The following CRHR2 variants were observed in gnomAD, a reference collection of about 807,000 sequenced individuals.
The protein encoded by CRHR2 is corticotropin releasing hormone receptor 2, also known as corticotropin-releasing hormone receptor 2.
CRHR2 carries 53 observed loss-of-function variants against 57.9 expected under a neutral mutation model. The observed-to-expected ratio is 0.92, with a 90% CI of 0.73 to 1.15. The LOEUF is 1.15. CRHR2 is among the 50% of genes most tolerant of loss of function. CRHR2 has a pLI of 0.00. For synonymous variants in CRHR2, 213 were observed against 220.9 expected (o/e 0.96, Z 0.32); for missense variants, 532 against 542.6 (o/e 0.98, Z 0.19).
intron 3 of CRHR2, among the ~76,000 whole-genome samples, chr7:30,666,139 G>C (rs538756004): frequency 6.6e-6 from 1 of 152,282 alleles, no homozygotes; most frequent in African/African-American, 2.4e-5. Context: ...ATCCCAGCTG[G>C]CTGAGTGACT....
intron 7 of CRHR2, among the ~76,000 whole-genome samples, chr7:30,661,597 G>T (rs527778283): frequency 6.6e-6 from 1 of 152,272 alleles, no homozygotes; most frequent in Non-Finnish European, 1.5e-5. Flanking sequence ...GGTCCCCGCT[G>T]CTCTCAGCTG....
chr7:30,669,043 A>T (rs1206162304), intron 2 of CRHR2, among the ~76,000 whole-genome samples: 1 of 152,222 alleles, frequency 6.6e-6, no homozygotes, highest in Non-Finnish European at 1.5e-5. Context: ...AAGCAAAAGT[A>T]TGTAAGGAGG....
chr7:30,691,149 C>T (rs1444967562), intron 1 of CRHR2, among the ~76,000 whole-genome samples: 1 of 152,200 alleles, frequency 6.6e-6, no homozygotes, highest in Non-Finnish European at 1.5e-5. Flanking sequence ...AATTCTCAGG[C>T]CATACTTTTG....
chr7:30,672,577 T>C (rs1402129040), intron 2 of CRHR2, among the ~76,000 whole-genome samples: 2 of 152,134 alleles, frequency 1.3e-5, no homozygotes, highest in African/African-American at 4.8e-5. Flanking sequence ...CCAAGATGCA[T>C]GGCAAATACA....
At chr7:30,677,813 T>C (rs1050263581) in intron 2 of CRHR2, among the ~76,000 whole-genome samples, 4 of 152,238 alleles carry the variant, frequency 2.6e-5, no homozygotes, top group African/African-American at 9.6e-5. Flanking sequence ...CTCACGCCTA[T>C]ACTCCCAGCA....
intron 2 of CRHR2, among the ~76,000 whole-genome samples, chr7:30,668,386 A>G (rs969153359): frequency 6.6e-6 from 1 of 151,990 alleles, no homozygotes; most frequent in Non-Finnish European, 1.5e-5. Context: ...GTGGGTTACA[A>G]ATGCTGAACG....
Position 30,677,824 on chromosome 7 carries a change from C to T in CRHR2, c.229+4091G>A, listed in dbSNP as rs577747677. Among the ~76,000 whole-genome samples, 10 of 152,360 alleles carry T rather than the reference C, an allele frequency of 6.6e-5. No individual in the cohort carries two copies. The East Asian group carries it at 1.2e-3, about 18-fold the overall frequency. On this transcript the variant is annotated intron_variant, in intron 2 of 11. Coordinates refer to ENST00000471646, the MANE Select transcript of CRHR2 (RefSeq NM_001883.5). ...GTGGCTCACGCCTATACTCCCAGCA[C>T]TTTGGGAGCCAGAGACAGGAGGATC...
intron 1 of CRHR2, among the ~76,000 whole-genome samples, chr7:30,696,814 G>T (rs1197176009): frequency 6.6e-6 from 1 of 152,204 alleles, no homozygotes; most frequent in Non-Finnish European, 1.5e-5. Context: ...TAGATAAAAT[G>T]GTTTAAATTA....
intron 2 of CRHR2, 127 bp from the exon 3 acceptor site, chr7:30,667,440 A>C (rs1330602711): frequency 1.5e-6 from 1 of 676,300 alleles, no homozygotes; most frequent in African/African-American, 1.8e-5. Flanking sequence ...TACAATGTGC[A>C]TCTGAAAGTT....
upstream of CRHR2, among the ~76,000 whole-genome samples, chr7:30,685,517 A>C (rs769419553): frequency 6.6e-6 from 1 of 152,194 alleles, no homozygotes; most frequent in Non-Finnish European, 1.5e-5. Flanking sequence ...CAGAGGTTCC[A>C]GAGGGGCCTG....
intron 2 of CRHR2, among the ~76,000 whole-genome samples, chr7:30,674,705 G>C (rs553744684): frequency 3.3e-5 from 5 of 152,250 alleles, no homozygotes; most frequent in African/African-American, 1.2e-4. Context: ...TCTCAATCTA[G>C]ATAGACAGAA....
intron 1 of CRHR2, among the ~76,000 whole-genome samples, chr7:30,696,730 AT>A (rs1332732457): frequency 1.3e-5 from 2 of 152,148 alleles, no homozygotes; most frequent in African/African-American, 4.8e-5. Flanking sequence ...TCTCAAAAAA[AT>A]AAAATAAAAT....
At chr7:30,667,165 T>C in intron 3 of CRHR2, 63 bp downstream of exon 3, 1 of 1,484,544 alleles carries the variant, frequency 6.7e-7, no homozygotes, top group South Asian at 1.1e-5. Flanking sequence ...GGATCTTCTC[T>C]GCTCAACCTG....
chr7:30,699,553 G>A, intron 1 of CRHR2, among the ~76,000 whole-genome samples: 1 of 151,998 alleles, frequency 6.6e-6, no homozygotes, highest in Non-Finnish European at 1.5e-5. Context: ...CATGGGGGTG[G>A]GGAGAGAATG....
At position 30,662,693 on chromosome 7, in the gene CRHR2, C is replaced by G. The variant is rs771929072; in HGVS notation, c.697+1G>C. 3.1e-6 allele frequency: 5 copies of G among 1,613,230 alleles called. No homozygotes were observed. The highest frequency in any genetic ancestry group is 3.4e-6 in the Non-Finnish European group (4 of 1,179,376). ...GGCCCTGCTGCCCCTGGGACCCTCA[C>G]ACCATCCGATGAAGAGGAAGAGGCA... On this transcript the variant is annotated splice_donor_variant, in intron 6 of 11. Coordinates refer to ENST00000471646, the MANE Select transcript of CRHR2 (RefSeq NM_001883.5). LOFTEE classifies it high-confidence loss of function.
intron 8 of CRHR2, among the ~76,000 whole-genome samples, chr7:30,659,591 C>T (rs538691192): frequency 8.5e-5 from 13 of 152,290 alleles, no homozygotes; most frequent in South Asian, 2.1e-4. Context: ...CAAGCCCTGA[C>T]GGTGGAATTT....
At chr7:30,682,474 G>T, upstream of CRHR2, 1 of 1,326,224 alleles carries the variant, frequency 7.5e-7, no homozygotes, top group Non-Finnish European at 9.6e-7. Flanking sequence ...TTCCCGGAGA[G>T]GAGCCGCCGA....
At chr7:30,668,543 T>C (rs1784257152) in intron 2 of CRHR2, among the ~76,000 whole-genome samples, 1 of 152,152 alleles carries the variant, frequency 6.6e-6, no homozygotes, top group Non-Finnish European at 1.5e-5. Flanking sequence ...GTTGCAGAGC[T>C]GGAGGGGGAA....
At chr7:30,693,885 A>C (rs1219479713) in intron 1 of CRHR2, among the ~76,000 whole-genome samples, 1 of 152,182 alleles carries the variant, frequency 6.6e-6, no homozygotes, top group Non-Finnish European at 1.5e-5. Context: ...GTAGAGAAGA[A>C]ATGGAATGTT....
Sources: gnomAD v4.1 joint callset for allele counts (sites outside exome capture counted in the v4.1 genomes callset) on GRCh38, gnomAD v4.1.1 for gene constraint, MANE v1.5 for transcripts, NCBI Gene and HGNC (gene_info 2026-07-23, HGNC 2026-07-21) for gene names.